The following TYW1B variants were observed in gnomAD, a reference collection of about 807,000 sequenced individuals.
The protein encoded by TYW1B is tRNA-yW synthesizing protein 1 homolog B.
Under a neutral mutation model 86.9 loss-of-function variants are expected in TYW1B, and 73 were observed. The observed-to-expected ratio is 0.84, with a 90% CI of 0.70 to 1.02. The LOEUF is 1.02. TYW1B is among the 50% of genes least tolerant of loss of function. The pLI is 0.00. For synonymous variants in TYW1B, 248 were observed against 292.8 expected, an observed-to-expected ratio of 0.85 and a Z score of 1.56; for missense variants, 637 against 827.4, an observed-to-expected ratio of 0.77 and a Z score of 2.82.
At chr7:72,812,138 TG>T (rs1407445795) in intron 3 of TYW1B, among the ~76,000 whole-genome samples, 1 of 82,188 alleles carries the variant, frequency 1.2e-5, no homozygotes, top group Non-Finnish European at 3.3e-5. Flanking sequence ...ATTTTAGAGG[TG>T]TTTTTTTTTT....
At chr7:72,701,992 GCC>G (rs1408150710) in intron 10 of TYW1B, among the ~76,000 whole-genome samples, 2 of 152,150 alleles carry the variant, frequency 1.3e-5, no homozygotes, top group Non-Finnish European at 2.9e-5. Flanking sequence ...CATGCCCACA[GCC>G]CTGATCGTGT....
chr7:72,599,994 GA>G (rs762811645), intron 13 of TYW1B, among the ~76,000 whole-genome samples: 148 of 152,260 alleles, frequency 9.7e-4, no homozygotes, highest in Non-Finnish European at 1.6e-3. Flanking sequence ...AAATCCTAGA[GA>G]GTGATTTTGT....
chr7:72,635,500 C>T (rs1812645132), intron 11 of TYW1B, among the ~76,000 whole-genome samples: 3 of 151,770 alleles, frequency 2.0e-5, no homozygotes, highest in Non-Finnish European at 4.4e-5. Context: ...CTACAATGCA[C>T]GGGACAGTCT....
chr7:72,737,015 G>A lies in TYW1B; in HGVS notation c.1082+7469C>T, dbSNP rs189717019. 2.2e-3 allele frequency among the ~76,000 whole-genome samples: 335 copies of A among 152,176 alleles called. 1 individual carries two copies. The highest frequency in any genetic ancestry group is 7.8e-3 in the African/African-American group (323 of 41,526). On this transcript the variant is annotated intron_variant, in intron 8 of 13. Coordinates refer to ENST00000620995, the MANE Select transcript of TYW1B (RefSeq NM_001145440.3). ...TGCGCTCCAGCCTGGGTGACAGAGC[G>A]AGACTCCGTCTCAAAAGAATAAAAA...
intron 8 of TYW1B, among the ~76,000 whole-genome samples, chr7:72,742,139 GTTTGT>G (rs1377048118): frequency 6.6e-5 from 10 of 152,124 alleles, no homozygotes; most frequent in Non-Finnish European, 4.4e-5. Flanking sequence ...TTTTTCATTT[GTTTGT>G]TTTGAGACAG....
intron 4 of TYW1B, 23 bp from the exon 5 acceptor site, chr7:72,807,379 C>T: frequency 6.2e-7 from 1 of 1,604,292 alleles, no homozygotes; most frequent in Non-Finnish European, 8.5e-7. Flanking sequence ...GATAGATAGG[C>T]TAAAAGCACG....
intron 12 of TYW1B, among the ~76,000 whole-genome samples, chr7:72,626,174 G>A (rs1323279856): frequency 9.3e-5 from 14 of 151,202 alleles, no homozygotes; most frequent in African/African-American, 3.4e-4. Context: ...CCTGACCAGA[G>A]ATAAAATGTT....
intron 13 of TYW1B, among the ~76,000 whole-genome samples, chr7:72,600,154 A>T (rs1331552936): frequency 6.6e-6 from 1 of 152,208 alleles, no homozygotes; most frequent in African/African-American, 2.4e-5. Flanking sequence ...ACTGCATGGT[A>T]TTGGGGAAAG....
At chr7:72,664,584 A>G (rs1278139313) in intron 11 of TYW1B, among the ~76,000 whole-genome samples, 2 of 152,182 alleles carry the variant, frequency 1.3e-5, no homozygotes, top group Non-Finnish European at 2.9e-5. Context: ...GGAACAACAC[A>G]CACTGGGGCC....
At chr7:72,820,864 A>G (rs1177026499) in intron 2 of TYW1B, among the ~76,000 whole-genome samples, 1 of 152,224 alleles carries the variant, frequency 6.6e-6, no homozygotes, top group Non-Finnish European at 1.5e-5. Flanking sequence ...TCCAGACAAA[A>G]TATCATGGCG....
intron 6 of TYW1B, among the ~76,000 whole-genome samples, chr7:72,797,801 T>C (rs555831460): frequency 2.0e-4 from 31 of 152,220 alleles, no homozygotes; most frequent in Admixed American, 1.7e-3. Context: ...GGCAGAAAAG[T>C]AGGTAGCCGT....
intron 11 of TYW1B, among the ~76,000 whole-genome samples, chr7:72,685,681 T>C (rs1415183226): frequency 6.6e-6 from 1 of 152,032 alleles, no homozygotes. Context: ...CAAAATTAAA[T>C]GTAAAAGGCA....
In TYW1B at chr7:72,815,448, A is replaced by C. The variant is rs781960217; in HGVS notation, c.169T>G (p.Ser57Ala). ...FATVLAEAVT[S>A]LDLPVAIINL... ...ATAATGGCCACAGGCAGATCCAGGG[A>C]CGTAACTGCTTCAGCAAGAACTGTT... Residue 57 changes from serine (S) to alanine (A), a missense_variant, in exon 3 of 14, where the codon TCC becomes GCC. Ser to Ala is a moderately conservative substitution (Grantham distance 99). Coordinates refer to ENST00000620995, the MANE Select transcript of TYW1B (RefSeq NM_001145440.3). The C allele has an allele frequency of 7.5e-6, 12 of 1,610,366 alleles. No homozygotes were observed. Among genetic ancestry groups the C allele is most frequent in the Non-Finnish European group, 1.0e-5 (12 of 1,179,324 alleles).
At chr7:72,581,564 T>C (rs1226222896) in intron 13 of TYW1B, among the ~76,000 whole-genome samples, 2 of 152,040 alleles carry the variant, frequency 1.3e-5, no homozygotes, top group African/African-American at 4.8e-5. Context: ...GTTCACGTGA[T>C]TCTCCTGCCT....
intron 11 of TYW1B, among the ~76,000 whole-genome samples, chr7:72,645,447 A>T (rs1364728995): frequency 6.6e-6 from 1 of 152,198 alleles, no homozygotes; most frequent in African/African-American, 2.4e-5. Context: ...TACACAGTGA[A>T]CATCAGTTAG....
Position 72,683,088 on chromosome 7 carries a change from C to T in TYW1B, c.1506+11599G>A, listed in dbSNP as rs374541185. 6.6e-5 allele frequency among the ~76,000 whole-genome samples: 10 copies of T among 152,274 alleles called. No homozygotes were observed. In the South Asian group the frequency reaches 1.9e-3, roughly 28 times the overall value. On this transcript the variant is annotated intron_variant, in intron 11 of 13. Transcript: ENST00000620995. ...ACCGATTTAACCAGAACCTAACTTG[C>T]TTGGTTTTATCAGAGCCTAACTAAC...
intron 6 of TYW1B, among the ~76,000 whole-genome samples, chr7:72,787,622 T>A (rs1253836524): frequency 1.3e-5 from 2 of 151,098 alleles, no homozygotes; most frequent in African/African-American, 4.9e-5. Context: ...AATACAAAAC[T>A]TAGCTGGTCG....
chr7:72,658,673 A>C (rs1227251618), intron 11 of TYW1B, among the ~76,000 whole-genome samples: 5 of 152,232 alleles, frequency 3.3e-5, no homozygotes, highest in African/African-American at 7.2e-5. Flanking sequence ...AACAATATGG[A>C]TATGTATGTA....
At chr7:72,731,982 G>A (rs782585673) in intron 8 of TYW1B, among the ~76,000 whole-genome samples, 18 of 151,954 alleles carry the variant, frequency 1.2e-4, no homozygotes, top group Non-Finnish European at 2.5e-4. Flanking sequence ...AGCAAGAGTA[G>A]CTATCCTTGT....
Sources: gnomAD v4.1 joint callset for allele counts (sites outside exome capture counted in the v4.1 genomes callset) on GRCh38, gnomAD v4.1.1 for gene constraint, MANE v1.5 for transcripts, NCBI Gene and HGNC (gene_info 2026-07-23, HGNC 2026-07-21) for gene names.